Variants in ADAMTS12 observed in about 807,000 individuals in gnomAD.
The protein encoded by ADAMTS12 is A disintegrin and metalloproteinase with thrombospondin motifs 12.
A neutral mutation model predicts 167.8 loss-of-function variants in ADAMTS12; 118 were observed. That is an observed-to-expected ratio of 0.70 (90% CI 0.61 to 0.82). The LOEUF (loss-of-function observed/expected upper bound fraction) is 0.82. Ranked by LOEUF, ADAMTS12 falls within the 40% of genes least tolerant of loss-of-function variation. The pLI, the probability that ADAMTS12 is intolerant of heterozygous loss-of-function variation, is 0.00. For missense variants in ADAMTS12, 1,916 were observed against 1,998.8 expected, an observed-to-expected ratio of 0.96 and a Z score of 0.79; for synonymous variants, 704 against 716.9, an observed-to-expected ratio of 0.98 and a Z score of 0.29.
chr5:33,674,614 A>G (rs6451012), intron 5 of ADAMTS12, among the ~76,000 whole-genome samples: 149,512 of 152,210 alleles, frequency 0.98, 73,479 homozygotes, highest in East Asian at 1. Context: ...CCTAAGCTGG[A>G]ATAAAACCCA....
intron 23 of ADAMTS12, among the ~76,000 whole-genome samples, chr5:33,532,071 T>C (rs1490228598): frequency 6.6e-6 from 1 of 152,206 alleles, no homozygotes; most frequent in Non-Finnish European, 1.5e-5. Context: ...ACAATGCTTA[T>C]AATTATGGGC....
chr5:33,576,462 T>G lies in ADAMTS12; in HGVS notation c.3564A>C (p.Pro1188=). 1.2e-6 allele frequency: 2 copies of G among 1,609,248 alleles called. No individual in the cohort carries two copies. The highest frequency in any genetic ancestry group is 1.7e-6 in the Non-Finnish European group (2 of 1,177,524). Residue 1188 remains proline (P), a synonymous_variant, in exon 19 of 24, where the codon CCA becomes CCC. Transcript: ENST00000504830. The stretch of plus-strand genomic sequence containing the variant: ...CAAGTGGCATTTCTGTACTTTCCAC[T>G]GGAGCGTCATTTCCAGGTACTCTGA... ...TKIRVPGNDA[P]VESTEMPLAP... is the part of the protein sequence containing the mutation.
At chr5:33,547,516 G>A (rs892267882) in intron 21 of ADAMTS12, among the ~76,000 whole-genome samples, 1 of 152,086 alleles carries the variant, frequency 6.6e-6, no homozygotes, top group South Asian at 2.1e-4. Flanking sequence ...TTCCCAGGAT[G>A]GCAGTCAGCA....
At chr5:33,552,461 T>C (rs1745290842) in intron 20 of ADAMTS12, among the ~76,000 whole-genome samples, 1 of 152,208 alleles carries the variant, frequency 6.6e-6, no homozygotes, top group Non-Finnish European at 1.5e-5. Flanking sequence ...GATCACTGAG[T>C]TTGTGCTCTG....
At chr5:33,541,112 C>T (rs4524515) in intron 22 of ADAMTS12, among the ~76,000 whole-genome samples, 39 of 152,186 alleles carry the variant, frequency 2.6e-4, no homozygotes, top group East Asian at 5.8e-4. Flanking sequence ...ATGGCTAACT[C>T]GAATAAACAG....
chr5:33,875,100 T>C (rs1017128960), intron 2 of ADAMTS12, among the ~76,000 whole-genome samples: 3 of 152,168 alleles, frequency 2.0e-5, no homozygotes, highest in African/African-American at 4.8e-5. Flanking sequence ...AGGCTACATA[T>C]TGTATGCTTT....
At chr5:33,738,666 T>C (rs1288918258) in intron 3 of ADAMTS12, among the ~76,000 whole-genome samples, 7 of 152,230 alleles carry the variant, frequency 4.6e-5, no homozygotes, top group Non-Finnish European at 1.0e-4. Context: ...ATCAGTGCCA[T>C]GGGAAACTCG....
chr5:33,834,100 T>A (rs1748416438), intron 2 of ADAMTS12, among the ~76,000 whole-genome samples: 1 of 152,206 alleles, frequency 6.6e-6, no homozygotes, highest in African/African-American at 2.4e-5. Context: ...TCTCAAATCA[T>A]AATCCCTCTG....
intron 2 of ADAMTS12, among the ~76,000 whole-genome samples, chr5:33,824,914 A>G (rs771244679): frequency 1.6e-4 from 25 of 152,134 alleles, no homozygotes; most frequent in Non-Finnish European, 3.2e-4. Flanking sequence ...GGACTCTAAC[A>G]CTGCAAAAGC....
At position 33,645,828 on chromosome 5, in the gene ADAMTS12, T is replaced by A. The variant is rs569238696; in HGVS notation, c.1480-2358A>T. Among the ~76,000 whole-genome samples the A allele has an allele frequency of 8.5e-5, 13 of 152,292 alleles. No homozygotes were observed. The South Asian group carries it at 2.7e-3, about 32-fold the overall frequency. ...AAAGAGATATGAAGTCTTCATTCAC[T>A]TATCTGTTGGGTGCCTACTATGTGC... is the stretch of plus-strand genomic sequence containing the variant. On this transcript the variant is annotated intron_variant, in intron 9 of 23. Coordinates refer to ENST00000504830, the MANE Select transcript of ADAMTS12 (RefSeq NM_030955.4).
chr5:33,874,477 G>C (rs1750153916), intron 2 of ADAMTS12, among the ~76,000 whole-genome samples: 1 of 152,208 alleles, frequency 6.6e-6, no homozygotes, highest in Admixed American at 6.5e-5. Flanking sequence ...CTTCATTGCT[G>C]GTGAGGATGC....
At chr5:33,566,775 CTG>C (rs1324128285) in intron 19 of ADAMTS12, among the ~76,000 whole-genome samples, 1 of 152,140 alleles carries the variant, frequency 6.6e-6, no homozygotes, top group Non-Finnish European at 1.5e-5. Context: ...CCCAGCTTCC[CTG>C]AGTTTGGTTT....
intron 2 of ADAMTS12, among the ~76,000 whole-genome samples, chr5:33,768,132 T>C (rs891905253): frequency 3.3e-5 from 5 of 152,206 alleles, no homozygotes; most frequent in Admixed American, 1.3e-4. Context: ...AGGACTGCTG[T>C]GCTGGGCAAG....
At chr5:33,753,480 C>A (rs2112394855) in intron 2 of ADAMTS12, among the ~76,000 whole-genome samples, 1 of 152,236 alleles carries the variant, frequency 6.6e-6, no homozygotes, top group East Asian at 1.9e-4. Context: ...AGCCTGTTGT[C>A]AGAAAGCTCA....
intron 2 of ADAMTS12, among the ~76,000 whole-genome samples, chr5:33,792,139 A>G (rs954913478): frequency 3.3e-5 from 5 of 151,672 alleles, no homozygotes; most frequent in Non-Finnish European, 1.5e-5. Flanking sequence ...CTGGGATTAC[A>G]GGCGCCCACC....
intron 2 of ADAMTS12, among the ~76,000 whole-genome samples, chr5:33,824,438 C>T (rs574078207): frequency 1.3e-5 from 2 of 152,174 alleles, no homozygotes; most frequent in East Asian, 3.9e-4. Flanking sequence ...GGACATTGCC[C>T]CCAGGTTTAC....
chr5:33,744,771 G>A (rs186752764), intron 3 of ADAMTS12, among the ~76,000 whole-genome samples: 1 of 152,298 alleles, frequency 6.6e-6, no homozygotes, highest in Non-Finnish European at 1.5e-5. Context: ...GCCACATAGA[G>A]CTTTGAAGCT....
chr5:33,680,589 A>G (rs1431409863), intron 5 of ADAMTS12, among the ~76,000 whole-genome samples: 1 of 152,184 alleles, frequency 6.6e-6, no homozygotes, highest in Admixed American at 6.5e-5. Context: ...ACCAGTATGA[A>G]AAAGTAAAAT....
At chr5:33,852,145 A>G (rs556016757) in intron 2 of ADAMTS12, among the ~76,000 whole-genome samples, 1 of 152,350 alleles carries the variant, frequency 6.6e-6, no homozygotes, top group East Asian at 1.9e-4. Context: ...AACTAAAACA[A>G]AGACCAAGGA....
Sources: gnomAD v4.1 joint callset for allele counts (sites outside exome capture counted in the v4.1 genomes callset) on GRCh38, gnomAD v4.1.1 for gene constraint, MANE v1.5 for transcripts, NCBI Gene and HGNC (gene_info 2026-07-23, HGNC 2026-07-21) for gene names.